GNAI3: variants seen among roughly 807,000 people sequenced by gnomAD.
GNAI3 encodes G protein subunit alpha i3, also known as guanine nucleotide-binding protein G(i) subunit alpha-3.
GNAI3 carries 12 observed loss-of-function variants against 41.8 expected under a neutral mutation model. The ratio of observed to expected loss-of-function variants is 0.29; its 90% CI spans 0.18 to 0.47. The LOEUF is 0.47. Among genes scored for constraint, GNAI3 ranks in the 20% least tolerant of loss-of-function variants. GNAI3 has a pLI of 1.00. For synonymous variants in GNAI3, 132 were observed against 146.5 expected, an observed-to-expected ratio of 0.90 and a Z score of 0.71; for missense variants, 360 against 429.6, an observed-to-expected ratio of 0.84 and a Z score of 1.43.
intron 3 of GNAI3, among the ~76,000 whole-genome samples, chr1:109,575,369 TCTGGTAACTGGTCAGTAGTA>T (rs1328100245): frequency 6.6e-6 from 1 of 151,992 alleles, no homozygotes. Context: ...ATTTGTTGTA[TCTGGTAACTGGTCAGTAGTA>T]CTGTATTTAT....
chr1:109,580,556 T>C (rs756583203), intron 4 of GNAI3, among the ~76,000 whole-genome samples: 16 of 152,212 alleles, frequency 1.1e-4, no homozygotes, highest in Non-Finnish European at 1.8e-4. Context: ...GTGAACATTG[T>C]AGAGTATGCG....
chr1:109,584,313 A>G (rs1648983201), intron 5 of GNAI3, among the ~76,000 whole-genome samples: 1 of 152,250 alleles, frequency 6.6e-6, no homozygotes, highest in African/African-American at 2.4e-5. Context: ...AGTACTGATG[A>G]ATTTATTTAG....
At chr1:109,563,707 CA>C (rs1648374786) in intron 1 of GNAI3, among the ~76,000 whole-genome samples, 1 of 152,104 alleles carries the variant, frequency 6.6e-6, no homozygotes, top group Non-Finnish European at 1.5e-5. Context: ...AAACTCAGAA[CA>C]AACCATATAG....
At chr1:109,556,673 T>C (rs887327050) in intron 1 of GNAI3, among the ~76,000 whole-genome samples, 6 of 152,202 alleles carry the variant, frequency 3.9e-5, no homozygotes, top group African/African-American at 1.4e-4. Flanking sequence ...TGGGAACTTT[T>C]CTGTTTCAGT....
chr1:109,569,562 T>G (rs1448932548), intron 1 of GNAI3, among the ~76,000 whole-genome samples: 3 of 152,300 alleles, frequency 2.0e-5, no homozygotes, highest in South Asian at 2.1e-4. Flanking sequence ...AGCTTACTGC[T>G]AGAACAATGG....
At chr1:109,562,020 G>A (rs970353096) in intron 1 of GNAI3, among the ~76,000 whole-genome samples, 2 of 152,056 alleles carry the variant, frequency 1.3e-5, no homozygotes, top group Non-Finnish European at 2.9e-5. Context: ...GCCTGAAAAG[G>A]TATGCAGAGG....
At chr1:109,580,671 G>C (rs1022590723) in intron 4 of GNAI3, among the ~76,000 whole-genome samples, 11 of 152,158 alleles carry the variant, frequency 7.2e-5, no homozygotes. Flanking sequence ...ACTAAATACT[G>C]TAGGCAATTG....
rs1649378505 is a variant in GNAI3, at chr1:109,598,870, CCTT to C, written c.*6551_*6553del. On this transcript the variant is annotated 3_prime_UTR_variant, in exon 9 of 9. Transcript: ENST00000369851. The stretch of plus-strand genomic sequence containing the variant: ...GCAGTCCCTGGCCCAACACCGAAAT[CCTT>C]CTGGAATCTGTGCTCTGGGGGCTGT... 2 of 533,888 alleles carry C rather than the reference CCTT, an allele frequency of 3.7e-6. No individual in the cohort carries two copies. Among genetic ancestry groups the C allele is most frequent in the Non-Finnish European group, 7.7e-6 (2 of 259,460 alleles). 33.1% of individuals were successfully genotyped at this position (533,888 alleles called of 1,614,324 possible). A position where few individuals can be genotyped will look rare whatever the true frequency, so the allele number is the denominator to read the frequency against.
intron 1 of GNAI3, among the ~76,000 whole-genome samples, chr1:109,556,294 C>T (rs1648149576): frequency 1.3e-5 from 2 of 152,100 alleles, no homozygotes; most frequent in Non-Finnish European, 2.9e-5. Context: ...TTGCCCACCT[C>T]AGCCTCCCAA....
intron 1 of GNAI3, among the ~76,000 whole-genome samples, chr1:109,566,778 G>T (rs1213730911): frequency 6.6e-6 from 1 of 152,162 alleles, no homozygotes; most frequent in African/African-American, 2.4e-5. Flanking sequence ...GGCCAGGCTG[G>T]TCTCGAACTC....
chr1:109,579,134 T>TTA, intron 3 of GNAI3, 70 bp from the exon 4 acceptor site: 5 of 1,288,406 alleles, frequency 3.9e-6, no homozygotes, highest in Non-Finnish European at 5.4e-6. Context: ...TGTCTATATT[T>TTA]TAAAGAGACT....
chr1:109,590,211 A>G (rs1470455375), intron 7 of GNAI3, among the ~76,000 whole-genome samples: 2 of 152,230 alleles, frequency 1.3e-5, no homozygotes, highest in African/African-American at 4.8e-5. Flanking sequence ...AGGTGAGTTT[A>G]TAGAAAGCAA....
intron 7 of GNAI3, among the ~76,000 whole-genome samples, chr1:109,587,273 T>G (rs1409549043): frequency 6.6e-6 from 1 of 152,090 alleles, no homozygotes; most frequent in African/African-American, 2.4e-5. Context: ...TAAAGTAAAA[T>G]TTGGTATATG....
At chr1:109,577,960 A>C (rs1327356071) in intron 3 of GNAI3, among the ~76,000 whole-genome samples, 2 of 152,232 alleles carry the variant, frequency 1.3e-5, no homozygotes, top group African/African-American at 4.8e-5. Flanking sequence ...TTTACACGTT[A>C]TATACTTTTT....
chr1:109,550,142 T>G (rs895664532), intron 1 of GNAI3, among the ~76,000 whole-genome samples: 6 of 152,208 alleles, frequency 3.9e-5, no homozygotes, highest in African/African-American at 1.4e-4. Flanking sequence ...TAAATTTTCA[T>G]GGTATAAAGC....
In GNAI3 at chr1:109,551,590, C is replaced by G. The variant is rs1019470140; in HGVS notation, c.118+2752C>G. 3.3e-5 allele frequency among the ~76,000 whole-genome samples: 5 copies of G among 152,230 alleles called. No individual in the cohort carries two copies. The East Asian group carries it at 9.6e-4, about 29-fold the overall frequency. On this transcript the variant is annotated intron_variant, in intron 1 of 8. Transcript: ENST00000369851. Reference sequence around the variant, plus strand: ...CCTTGGGAAAGTTAATTTCTCTTGGCCTCAGTTTTCTTATCTTTAAAATGG... The same window carrying G: ...CCTTGGGAAAGTTAATTTCTCTTGGGCTCAGTTTTCTTATCTTTAAAATGG...
At chr1:109,587,388 A>G (rs1649055554) in intron 7 of GNAI3, among the ~76,000 whole-genome samples, 1 of 152,252 alleles carries the variant, frequency 6.6e-6, no homozygotes, top group African/African-American at 2.4e-5. Context: ...TTGCACATAA[A>G]TAATTTTATT....
chr1:109,577,988 A>G (rs886399605), intron 3 of GNAI3, among the ~76,000 whole-genome samples: 1 of 152,062 alleles, frequency 6.6e-6, no homozygotes, highest in Admixed American at 6.5e-5. Context: ...TTATTTTTAT[A>G]GTTATTTGGA....
At chr1:109,575,575 C>T (rs1229636528) in intron 3 of GNAI3, among the ~76,000 whole-genome samples, 2 of 133,358 alleles carry the variant, frequency 1.5e-5, no homozygotes, top group East Asian at 4.4e-4. Flanking sequence ...CGGACTCTCG[C>T]CCTGTCGCCC....
Sources: gnomAD v4.1 joint callset for allele counts (sites outside exome capture counted in the v4.1 genomes callset) on GRCh38, gnomAD v4.1.1 for gene constraint, MANE v1.5 for transcripts, NCBI Gene and HGNC (gene_info 2026-07-23, HGNC 2026-07-21) for gene names.